The following GPC6 variants were observed in gnomAD, a reference collection of about 807,000 sequenced individuals.
The protein encoded by GPC6 is glypican-6.
Under a neutral mutation model 55.2 loss-of-function variants are expected in GPC6, and 14 were observed. The observed-to-expected ratio is 0.25, with a 90% CI of 0.17 to 0.40. The LOEUF is 0.40. Ranked by LOEUF, GPC6 falls within the 10% of genes least tolerant of loss-of-function variation. The pLI, the probability that GPC6 is intolerant of heterozygous loss-of-function variation, is 1.00. For synonymous variants in GPC6, 278 were observed against 259.6 expected (o/e 1.07, Z -0.68); for missense variants, 641 against 708.5 (o/e 0.90, Z 1.08).
intron 3 of GPC6, among the ~76,000 whole-genome samples, chr13:93,967,213 G>A (rs767359379): frequency 1.3e-5 from 2 of 152,090 alleles, no homozygotes; most frequent in Non-Finnish European, 2.9e-5. Flanking sequence ...GGTGCTAAGG[G>A]GACTGAGATG....
intron 1 of GPC6, among the ~76,000 whole-genome samples, chr13:93,492,129 C>G (rs370839097): frequency 3.0e-4 from 44 of 144,650 alleles, no homozygotes; most frequent in Non-Finnish European, 3.9e-4. Context: ...CCATTTTCAC[C>G]ATATTGATTC....
chr13:94,327,444 G>T lies in GPC6; in HGVS notation c.1152+21321G>T, dbSNP rs554085340. ...CCATGTCCCCCATCTCTACCTCACA[G>T]CTGTGGCTTCTCTCAGGAAATGCTA... On this transcript the variant is annotated intron_variant, in intron 6 of 8. Transcript: ENST00000377047. Among the ~76,000 whole-genome samples the T allele has an allele frequency of 2.4e-4, 37 of 152,170 alleles. 1 individual carries two copies. The South Asian group carries it at 7.1e-3, about 29-fold the overall frequency.
intron 3 of GPC6, among the ~76,000 whole-genome samples, chr13:93,860,402 C>T (rs920400470): frequency 1.3e-5 from 2 of 151,512 alleles, no homozygotes; most frequent in Non-Finnish European, 3.0e-5. Flanking sequence ...TATTTCCACT[C>T]TCTTGAATGT....
intron 2 of GPC6, among the ~76,000 whole-genome samples, chr13:93,790,382 A>G (rs1330462): frequency 0.66 from 100,515 of 152,008 alleles, 33,758 homozygotes; most frequent in East Asian, 0.81. Context: ...TTTATTTTAC[A>G]GTTACATGTA....
At chr13:93,260,128 C>T (rs546743325) in intron 1 of GPC6, among the ~76,000 whole-genome samples, 50 of 152,082 alleles carry the variant, frequency 3.3e-4, no homozygotes, top group African/African-American at 1.2e-3. Flanking sequence ...CAATTCATAT[C>T]GAGAAAACAA....
intron 5 of GPC6, among the ~76,000 whole-genome samples, chr13:94,297,222 T>C (rs2139100038): frequency 6.6e-6 from 1 of 152,202 alleles, no homozygotes; most frequent in Non-Finnish European, 1.5e-5. Flanking sequence ...CCAAACCCTC[T>C]TGGGAGCAGG....
At chr13:93,793,925 T>A (rs576641857) in intron 2 of GPC6, among the ~76,000 whole-genome samples, 17 of 152,352 alleles carry the variant, frequency 1.1e-4, no homozygotes, top group African/African-American at 1.7e-4. Context: ...CTGGGTAATA[T>A]AAAAACAAAT....
At chr13:93,396,267 T>G in intron 1 of GPC6, among the ~76,000 whole-genome samples, 1 of 152,210 alleles carries the variant, frequency 6.6e-6, no homozygotes, top group Admixed American at 6.5e-5. Flanking sequence ...ACTATTAACC[T>G]TTTAATAATA....
At chr13:93,503,203 T>A (rs942524125) in intron 1 of GPC6, among the ~76,000 whole-genome samples, 2 of 152,120 alleles carry the variant, frequency 1.3e-5, no homozygotes, top group African/African-American at 2.4e-5. Context: ...GAAAGTTGAG[T>A]CTCAGGGAAG....
chr13:93,226,248 G>T (rs1875777163), upstream of GPC6, among the ~76,000 whole-genome samples: 1 of 152,052 alleles, frequency 6.6e-6, no homozygotes, highest in Admixed American at 6.6e-5. Context: ...TGGTCTGGTT[G>T]TTAGCTTTCC....
intron 1 of GPC6, among the ~76,000 whole-genome samples, chr13:93,500,422 C>T (rs912426882): frequency 1.3e-5 from 2 of 152,106 alleles, no homozygotes; most frequent in Non-Finnish European, 2.9e-5. Flanking sequence ...CAGTTGGAGC[C>T]GGCAAGCTAT....
intron 2 of GPC6, among the ~76,000 whole-genome samples, chr13:93,664,015 C>T (rs1421388901): frequency 1.3e-5 from 2 of 152,032 alleles, no homozygotes; most frequent in Non-Finnish European, 2.9e-5. Flanking sequence ...CAGCATTAGT[C>T]GTTGTTCTGT....
intron 1 of GPC6, among the ~76,000 whole-genome samples, chr13:93,462,407 A>T (rs996462): frequency 0.18 from 27,687 of 152,056 alleles, 3,051 homozygotes; most frequent in East Asian, 0.48. Flanking sequence ...GACATCTCAC[A>T]GACCTCCAGA....
intron 2 of GPC6, among the ~76,000 whole-genome samples, chr13:93,590,014 T>C (rs1288446433): frequency 6.6e-6 from 1 of 152,224 alleles, no homozygotes. Context: ...CTGTACATAT[T>C]AGCCAGCTGG....
At chr13:93,857,647 T>C (rs547305502) in intron 3 of GPC6, among the ~76,000 whole-genome samples, 1 of 151,734 alleles carries the variant, frequency 6.6e-6, no homozygotes, top group African/African-American at 2.4e-5. Flanking sequence ...TCATATGTTA[T>C]TTATAGGACT....
At chr13:94,143,037 A>C (rs1453095853) in intron 4 of GPC6, among the ~76,000 whole-genome samples, 3 of 151,926 alleles carry the variant, frequency 2.0e-5, no homozygotes, top group African/African-American at 7.3e-5. Context: ...ATGTTGGTCA[A>C]GATGGTCTCG....
chr13:93,970,607 A>C (rs1188679961), intron 3 of GPC6, among the ~76,000 whole-genome samples: 2 of 152,192 alleles, frequency 1.3e-5, no homozygotes, highest in Non-Finnish European at 2.9e-5. Flanking sequence ...GAGACATCCA[A>C]TGATATGACA....
intron 2 of GPC6, among the ~76,000 whole-genome samples, chr13:93,719,035 C>G (rs1020753423): frequency 3.9e-5 from 6 of 151,940 alleles, no homozygotes; most frequent in African/African-American, 7.2e-5. Context: ...CAGCTCTGTT[C>G]TTTTTGCTTA....
intron 3 of GPC6, among the ~76,000 whole-genome samples, chr13:93,952,002 C>T (rs1879274692): frequency 6.6e-6 from 1 of 152,150 alleles, no homozygotes. Context: ...GTTGATGGCT[C>T]TGTTCTTAGC....
Sources: allele counts gnomAD v4.1 joint callset (sites outside exome capture counted in the v4.1 genomes callset), GRCh38; gene constraint gnomAD v4.1.1; transcripts MANE v1.5; gene names NCBI Gene and HGNC (gene_info 2026-07-23, HGNC 2026-07-21).